TENM2: variants seen among roughly 807,000 people sequenced by gnomAD.
The protein encoded by TENM2 is teneurin-2.
Under a neutral mutation model 245.2 loss-of-function variants are expected in TENM2, and 52 were observed. The observed-to-expected ratio is 0.21, with a 90% CI of 0.17 to 0.27. The LOEUF (loss-of-function observed/expected upper bound fraction) is 0.27, where lower values mean the gene tolerates loss of function less well. Among genes scored for constraint, TENM2 ranks in the 10% least tolerant of loss-of-function variants. The pLI is 1.00. For missense variants in TENM2, 3,046 were observed against 3,666.8 expected (o/e 0.83, Z 4.37); for synonymous variants, 1,363 against 1,438.9 (o/e 0.95, Z 1.19).
intron 1 of TENM2, among the ~76,000 whole-genome samples, chr5:167,364,836 C>A (rs1759945070): frequency 6.6e-6 from 1 of 150,904 alleles, no homozygotes; most frequent in Non-Finnish European, 1.5e-5. Context: ...GCAAAATTAA[C>A]AAAAATAAAG....
Position 167,347,615 on chromosome 5 carries a change from A to T in TENM2, c.227-27583A>T, listed in dbSNP as rs551171421. On this transcript the variant is annotated intron_variant, in intron 1 of 28. Transcript: ENST00000518659. ...TGGGGTACAAAGAAATGGTAAAATA[A>T]TTTCTCACATCCACTTCTAAACCTC... 5.0e-4 allele frequency among the ~76,000 whole-genome samples: 76 copies of T among 152,138 alleles called. No individual in the cohort carries two copies. In the South Asian group the frequency reaches 0.015, roughly 31 times the overall value.
intron 1 of TENM2, among the ~76,000 whole-genome samples, chr5:167,348,445 C>T (rs1002792288): frequency 1.3e-5 from 2 of 152,232 alleles, no homozygotes; most frequent in Middle Eastern, 3.4e-3. Flanking sequence ...CTCCAAGGGG[C>T]GCTTATCCTG....
intron 5 of TENM2, among the ~76,000 whole-genome samples, chr5:168,017,560 GCAGAT>G (rs1785768413): frequency 6.6e-6 from 1 of 152,174 alleles, no homozygotes; most frequent in Non-Finnish European, 1.5e-5. Context: ...TGTGTGGCTA[GCAGAT>G]CACCTTTGAA....
intron 2 of TENM2, among the ~76,000 whole-genome samples, chr5:167,862,723 A>G (rs1771935094): frequency 6.6e-6 from 1 of 152,220 alleles, no homozygotes. Flanking sequence ...TTGGAGGTTC[A>G]TTCTGACCTT....
chr5:167,130,765 A>G, the TENM2 span, among the ~76,000 whole-genome samples: 1 of 152,078 alleles, frequency 6.6e-6, no homozygotes, highest in Non-Finnish European at 1.5e-5. Context: ...GGTCTCACAC[A>G]TTCCAAATGC....
chr5:167,049,780 G>A, the TENM2 span, among the ~76,000 whole-genome samples: 1 of 152,064 alleles, frequency 6.6e-6, no homozygotes, highest in Non-Finnish European at 1.5e-5. Context: ...CTAAGAAGCT[G>A]GTTGGTGAAT....
At chr5:167,057,944 G>A in the TENM2 span, among the ~76,000 whole-genome samples, 2 of 152,074 alleles carry the variant, frequency 1.3e-5, no homozygotes, top group East Asian at 3.9e-4. Context: ...TCCACACTGA[G>A]CCTCCAGCAA....
intron 2 of TENM2, among the ~76,000 whole-genome samples, chr5:167,564,459 G>C (rs193286155): frequency 1.3e-5 from 2 of 152,280 alleles, no homozygotes; most frequent in African/African-American, 4.8e-5. Flanking sequence ...GGAGCTCATA[G>C]ATGGCTTTGA....
intron 6 of TENM2, among the ~76,000 whole-genome samples, chr5:168,049,856 G>A (rs1367162935): frequency 6.6e-6 from 1 of 152,302 alleles, no homozygotes; most frequent in East Asian, 1.9e-4. Flanking sequence ...AGGCTGGAGT[G>A]CAGTGATGCA....
chr5:167,993,069 C>T (rs1291814704), exon 5 of TENM2: 54 of 1,613,904 alleles, frequency 3.3e-5, no homozygotes, highest in Non-Finnish European at 4.2e-5. Context: ...AATACTTTCT[C>T]CAGGAAGGCT....
At chr5:168,144,542 G>T (rs370611041) in intron 12 of TENM2, among the ~76,000 whole-genome samples, 1 of 151,640 alleles carries the variant, frequency 6.6e-6, no homozygotes, top group African/African-American at 2.4e-5. Context: ...AGTATTCCAT[G>T]GTGTATATGT....
chr5:167,708,296 T>C (rs1758675133), intron 2 of TENM2, among the ~76,000 whole-genome samples: 1 of 152,088 alleles, frequency 6.6e-6, no homozygotes, highest in Non-Finnish European at 1.5e-5. Context: ...ACCTTTTAGA[T>C]ACAAATATAC....
At chr5:167,482,023 G>T (rs898352455) in intron 2 of TENM2, among the ~76,000 whole-genome samples, 3 of 151,904 alleles carry the variant, frequency 2.0e-5, no homozygotes, top group Admixed American at 6.6e-5. Flanking sequence ...ATTATGAGAT[G>T]GTATTTTAGT....
chr5:168,259,012 G>A (rs1353778107), intron 27 of TENM2, among the ~76,000 whole-genome samples: 1 of 151,876 alleles, frequency 6.6e-6, no homozygotes, highest in Non-Finnish European at 1.5e-5. Context: ...GCAAAGCCCC[G>A]CCTCTACTAA....
chr5:167,040,678 A>G, the TENM2 span, among the ~76,000 whole-genome samples: 1 of 152,292 alleles, frequency 6.6e-6, no homozygotes, highest in East Asian at 1.9e-4. Context: ...TTACCATGCA[A>G]AGGGAAAAAT....
intron 1 of TENM2, among the ~76,000 whole-genome samples, chr5:167,346,071 C>G (rs1663361701): frequency 2.0e-5 from 3 of 152,242 alleles, no homozygotes; most frequent in African/African-American, 7.2e-5. Context: ...CATGAAAGGT[C>G]ACCTACCCAA....
At chr5:167,028,830 T>G in the TENM2 span, among the ~76,000 whole-genome samples, 17 of 152,094 alleles carry the variant, frequency 1.1e-4, no homozygotes, top group African/African-American at 4.1e-4. Context: ...TCCCAAGCAG[T>G]CGAAGCTCTG....
intron 2 of TENM2, among the ~76,000 whole-genome samples, chr5:167,489,038 T>C (rs1378167590): frequency 6.6e-6 from 1 of 152,186 alleles, no homozygotes; most frequent in East Asian, 1.9e-4. Context: ...CCACGTCCAC[T>C]GCTCTAACTC....
chr5:167,848,347 G>A (rs1356075772), intron 2 of TENM2, among the ~76,000 whole-genome samples: 1 of 152,120 alleles, frequency 6.6e-6, no homozygotes, highest in African/African-American at 2.4e-5. Flanking sequence ...AGGGCATGGT[G>A]GGGTTTGTGG....
Sources: gnomAD v4.1 joint callset for allele counts (sites outside exome capture counted in the v4.1 genomes callset) on GRCh38, gnomAD v4.1.1 for gene constraint, MANE v1.5 for transcripts, NCBI Gene and HGNC (gene_info 2026-07-23, HGNC 2026-07-21) for gene names.